The following FOXP1 variants were observed in gnomAD, a reference collection of about 807,000 sequenced individuals.
FOXP1 encodes the protein forkhead box protein P1.
A neutral mutation model predicts 98.2 loss-of-function variants in FOXP1; 15 were observed. That is an observed-to-expected ratio of 0.15 (90% CI 0.10 to 0.24). The LOEUF is 0.24. Ranked by LOEUF, FOXP1 falls within the 10% of genes least tolerant of loss-of-function variation. The pLI is 1.00. For missense variants in FOXP1, 633 were observed against 848.5 expected (o/e 0.75, Z 3.15); for synonymous variants, 371 against 314.5 (o/e 1.18, Z -1.90).
intron 4 of FOXP1, among the ~76,000 whole-genome samples, chr3:71,307,309 A>G (rs2074349265): frequency 1.3e-5 from 2 of 152,220 alleles, no homozygotes; most frequent in South Asian, 4.1e-4. Context: ...AGCAATTTTA[A>G]TTTATTAACA....
chr3:71,301,210 C>A (rs1318982192), intron 4 of FOXP1, among the ~76,000 whole-genome samples: 2 of 152,152 alleles, frequency 1.3e-5, no homozygotes, highest in Non-Finnish European at 1.5e-5. Context: ...CTGACCAAAA[C>A]CTTTTTGTTT....
At chr3:71,086,463 G>A (rs985527591) in intron 7 of FOXP1, among the ~76,000 whole-genome samples, 4 of 152,200 alleles carry the variant, frequency 2.6e-5, no homozygotes, top group African/African-American at 4.8e-5. Flanking sequence ...ATGTACCGGG[G>A]GGAAAGGGAG....
At chr3:71,150,257 G>A (rs933077927) in intron 6 of FOXP1, among the ~76,000 whole-genome samples, 3 of 152,126 alleles carry the variant, frequency 2.0e-5, no homozygotes, top group Non-Finnish European at 4.4e-5. Context: ...CCTGGCAGTG[G>A]CAATGCATGC....
At chr3:71,213,375 C>G (rs915441839) in intron 5 of FOXP1, among the ~76,000 whole-genome samples, 6 of 152,200 alleles carry the variant, frequency 3.9e-5, no homozygotes, top group Non-Finnish European at 5.9e-5. Flanking sequence ...CACATAAGAC[C>G]TTTTCTCATT....
At chr3:71,260,275 G>A (rs139923651) in intron 5 of FOXP1, among the ~76,000 whole-genome samples, 495 of 152,250 alleles carry the variant, frequency 3.3e-3, no homozygotes, top group Non-Finnish European at 5.5e-3. Flanking sequence ...GAGCCACCGC[G>A]CCCGGCCAAC....
chr3:71,043,041 T>C (rs994981569), intron 10 of FOXP1, among the ~76,000 whole-genome samples: 3 of 152,170 alleles, frequency 2.0e-5, no homozygotes, highest in Non-Finnish European at 4.4e-5. Context: ...GAGTAAATTA[T>C]TGCACAGCAG....
chr3:71,129,092 G>A (rs2059406937), intron 6 of FOXP1, among the ~76,000 whole-genome samples: 1 of 152,086 alleles, frequency 6.6e-6, no homozygotes, highest in African/African-American at 2.4e-5. Context: ...AAACGAGCGA[G>A]CTGGGAAATT....
intron 6 of FOXP1, among the ~76,000 whole-genome samples, chr3:71,123,592 T>C (rs370030013): frequency 6.6e-5 from 10 of 152,170 alleles, no homozygotes; most frequent in Non-Finnish European, 1.2e-4. Context: ...CAAATTTCAC[T>C]AAAGTCCAGC....
At chr3:71,516,756 G>C (rs1289512684) in intron 2 of FOXP1, among the ~76,000 whole-genome samples, 1 of 152,158 alleles carries the variant, frequency 6.6e-6, no homozygotes, top group African/African-American at 2.4e-5. Context: ...TGAGGCAGGA[G>C]AATCGCTTGA....
At chr3:71,347,913 A>G (rs953940250) in intron 4 of FOXP1, among the ~76,000 whole-genome samples, 11 of 151,802 alleles carry the variant, frequency 7.2e-5, no homozygotes, top group African/African-American at 2.7e-4. Flanking sequence ...GTTGTCCCTC[A>G]TTATACACAG....
At chr3:71,516,280 A>G (rs2042572903) in intron 2 of FOXP1, among the ~76,000 whole-genome samples, 1 of 152,224 alleles carries the variant, frequency 6.6e-6, no homozygotes, top group East Asian at 1.9e-4. Context: ...AGCACAATGC[A>G]AACGTGTGTG....
At chr3:71,341,390 G>A (rs2076997414) in intron 4 of FOXP1, among the ~76,000 whole-genome samples, 1 of 152,186 alleles carries the variant, frequency 6.6e-6, no homozygotes, top group African/African-American at 2.4e-5. Context: ...ACTTTGAGAT[G>A]AATGAAAATG....
chr3:71,017,042 A>G (rs547426720), intron 11 of FOXP1, among the ~76,000 whole-genome samples: 2 of 152,270 alleles, frequency 1.3e-5, no homozygotes, highest in African/African-American at 2.4e-5. Flanking sequence ...AAAAAGGTAG[A>G]AAAACAACTT....
intron 4 of FOXP1, among the ~76,000 whole-genome samples, chr3:71,312,012 A>C (rs1336381993): frequency 6.6e-6 from 1 of 152,218 alleles, no homozygotes; most frequent in Admixed American, 6.5e-5. Flanking sequence ...TACGTAATTT[A>C]AAACCAGGCG....
intron 4 of FOXP1, among the ~76,000 whole-genome samples, chr3:71,331,103 C>T (rs572817698): frequency 2.3e-4 from 35 of 152,332 alleles, no homozygotes; most frequent in Admixed American, 7.2e-4. Flanking sequence ...AGGCCGGAGA[C>T]GGCTCCCTCA....
intron 3 of FOXP1, among the ~76,000 whole-genome samples, chr3:71,428,612 A>G (rs902387548): frequency 3.3e-5 from 5 of 152,234 alleles, no homozygotes; most frequent in Non-Finnish European, 7.3e-5. Context: ...TTGAGAGTCC[A>G]TTGTTCTAAA....
chr3:71,263,899 G>A (rs994493884), intron 5 of FOXP1, among the ~76,000 whole-genome samples: 5 of 151,428 alleles, frequency 3.3e-5, no homozygotes, highest in South Asian at 4.2e-4. Flanking sequence ...CACATGCCAC[G>A]ACTCCCAGCT....
At chr3:71,575,761 T>C (rs2047676561) in intron 2 of FOXP1, among the ~76,000 whole-genome samples, 1 of 152,212 alleles carries the variant, frequency 6.6e-6, no homozygotes, top group Non-Finnish European at 1.5e-5. Context: ...TATCATTGGA[T>C]CCCTAAGCTC....
At chr3:71,397,218 C>A (rs2081594329) in intron 3 of FOXP1, among the ~76,000 whole-genome samples, 1 of 150,686 alleles carries the variant, frequency 6.6e-6, no homozygotes, top group African/African-American at 2.4e-5. Flanking sequence ...CATCAAGTGG[C>A]AGTCCCTGGA....
Sources: gnomAD v4.1 joint callset for allele counts (sites outside exome capture counted in the v4.1 genomes callset) on GRCh38, gnomAD v4.1.1 for gene constraint, MANE v1.5 for transcripts, NCBI Gene and HGNC (gene_info 2026-07-23, HGNC 2026-07-21) for gene names.